Variants in VDAC1 observed in about 807,000 individuals in gnomAD.
VDAC1 encodes the protein voltage dependent anion channel 1, also known as non-selective voltage-gated ion channel VDAC1.
A neutral mutation model predicts 34.7 loss-of-function variants in VDAC1; 10 were observed. The ratio of observed to expected loss-of-function variants is 0.29; its 90% confidence interval spans 0.18 to 0.49. The LOEUF (loss-of-function observed/expected upper bound fraction) is 0.49. Ranked by LOEUF, VDAC1 falls within the 20% of genes least tolerant of loss-of-function variation. VDAC1 has a pLI of 0.99. For missense variants in VDAC1, 230 were observed against 347.9 expected, an observed-to-expected ratio of 0.66 and a Z score of 2.69; for synonymous variants, 130 against 136.0, an observed-to-expected ratio of 0.96 and a Z score of 0.30.
chr5:134,102,911 GT>G, the VDAC1 span, among the ~76,000 whole-genome samples: 1 of 152,084 alleles, frequency 6.6e-6, no homozygotes, highest in South Asian at 2.1e-4. Flanking sequence ...TTCTCAGGGA[GT>G]TGTTAGAGTC....
the VDAC1 span, among the ~76,000 whole-genome samples, chr5:134,109,475 C>T: frequency 6.6e-6 from 1 of 152,102 alleles, no homozygotes; most frequent in Admixed American, 6.5e-5. Context: ...ATCCTTAGAA[C>T]TTAGAGACAC....
chr5:134,059,772 C>T, the VDAC1 span, among the ~76,000 whole-genome samples: 3 of 151,998 alleles, frequency 2.0e-5, no homozygotes, highest in East Asian at 5.8e-4. Context: ...AGTTCAAGAA[C>T]TGATTCTCAG....
At chr5:133,982,939 T>TAG (rs1752757595) in intron 5 of VDAC1, among the ~76,000 whole-genome samples, 1 of 149,604 alleles carries the variant, frequency 6.7e-6, no homozygotes, top group African/African-American at 2.5e-5. Context: ...TTGAACAGAC[T>TAG]AGAGATTTGA....
the VDAC1 span, among the ~76,000 whole-genome samples, chr5:134,024,047 G>C: frequency 2.0e-5 from 3 of 152,194 alleles, no homozygotes; most frequent in South Asian, 6.2e-4. Flanking sequence ...AGCAGACTGA[G>C]GCAGGAGAAT....
At chr5:134,110,154 G>A in the VDAC1 span, among the ~76,000 whole-genome samples, 1 of 152,164 alleles carries the variant, frequency 6.6e-6, no homozygotes, top group Admixed American at 6.5e-5. Flanking sequence ...GAAGCTCTGG[G>A]GCAGCTCTTC....
At chr5:134,004,819 C>T (rs905305971) in intron 1 of VDAC1, 76 bp downstream of exon 1, 1 of 150,540 alleles carries the variant, frequency 6.6e-6, no homozygotes, top group African/African-American at 2.4e-5. Flanking sequence ...CCGGCGCGCT[C>T]CGCCCCCAGG....
At chr5:134,005,676 C>G (rs146378394), upstream of VDAC1, 3 of 152,212 alleles carry the variant, frequency 2.0e-5, no homozygotes, top group Non-Finnish European at 1.5e-5. Flanking sequence ...GCGTGTCCTG[C>G]GGGACCCAGT....
chr5:134,050,623 T>C, the VDAC1 span, among the ~76,000 whole-genome samples: 15,523 of 152,284 alleles, frequency 0.1, 1,049 homozygotes, highest in East Asian at 0.28. Context: ...CCACTTCTTC[T>C]TAGAAGCTTC....
At chr5:134,004,361 T>TC (rs1753678556) in intron 1 of VDAC1, 1 of 152,092 alleles carries the variant, frequency 6.6e-6, no homozygotes, top group Non-Finnish European at 1.5e-5. Context: ...CCCTTGCACT[T>TC]CCGCCCGCAA....
At chr5:134,076,446 A>G in the VDAC1 span, among the ~76,000 whole-genome samples, 4 of 152,154 alleles carry the variant, frequency 2.6e-5, no homozygotes, top group Admixed American at 2.0e-4. Flanking sequence ...CGGTGTGTCT[A>G]AAGTTTGTGC....
chr5:134,045,617 C>T, the VDAC1 span, among the ~76,000 whole-genome samples: 2 of 152,180 alleles, frequency 1.3e-5, no homozygotes, highest in African/African-American at 4.8e-5. Context: ...CTTTGAAGGG[C>T]CCTTGGGGTG....
chr5:134,067,157 C>A, the VDAC1 span, among the ~76,000 whole-genome samples: 1 of 150,510 alleles, frequency 6.6e-6, no homozygotes, highest in Non-Finnish European at 1.5e-5. Flanking sequence ...CTCACTGCAA[C>A]CTCTGCCTTC....
chr5:134,070,763 G>A, the VDAC1 span, among the ~76,000 whole-genome samples: 1 of 152,108 alleles, frequency 6.6e-6, no homozygotes, highest in Non-Finnish European at 1.5e-5. Flanking sequence ...GTTTATTAGT[G>A]AATATAATAA....
chr5:134,021,609 G>C, the VDAC1 span, among the ~76,000 whole-genome samples: 1 of 151,740 alleles, frequency 6.6e-6, no homozygotes, highest in Admixed American at 6.6e-5. Flanking sequence ...AGCTACCAAG[G>C]TCTTAAGAGA....
the VDAC1 span, among the ~76,000 whole-genome samples, chr5:134,096,159 C>T: frequency 3.9e-5 from 6 of 152,218 alleles, no homozygotes; most frequent in Non-Finnish European, 7.3e-5. Flanking sequence ...TTGTGCGGGG[C>T]AGCCCCTGAC....
chr5:134,057,411 C>T, the VDAC1 span, among the ~76,000 whole-genome samples: 161 of 151,882 alleles, frequency 1.1e-3, 4 homozygotes, highest in East Asian at 0.03. Flanking sequence ...ACCTGGGAGG[C>T]GGAGGTTGCA....
At chr5:134,030,794 GT>G in the VDAC1 span, among the ~76,000 whole-genome samples, 30 of 151,868 alleles carry the variant, frequency 2.0e-4, no homozygotes, top group Non-Finnish European at 2.5e-4. Context: ...TTTAGTAGGG[GT>G]TTTTTAGGGG....
intron 1 of VDAC1, among the ~76,000 whole-genome samples, chr5:133,996,490 G>C (rs1223375591): frequency 1.3e-5 from 2 of 152,018 alleles, no homozygotes; most frequent in Admixed American, 6.6e-5. Flanking sequence ...CTCTGTCTTG[G>C]GGGTACACAT....
chr5:134,085,345 G>A, the VDAC1 span, among the ~76,000 whole-genome samples: 1 of 152,016 alleles, frequency 6.6e-6, no homozygotes, highest in African/African-American at 2.4e-5. Context: ...TGGGATTACA[G>A]GCGTGAGCCA....
Sources: gnomAD v4.1 joint callset for allele counts (sites outside exome capture counted in the v4.1 genomes callset) on GRCh38, gnomAD v4.1.1 for gene constraint, MANE v1.5 for transcripts, NCBI Gene and HGNC (gene_info 2026-07-23, HGNC 2026-07-21) for gene names.